The following TTLL11 variants were observed in gnomAD, a reference collection of about 807,000 sequenced individuals.
TTLL11 encodes the protein tubulin polyglutamylase TTLL11.
Under a neutral mutation model 51.7 loss-of-function variants are expected in TTLL11, and 42 were observed. The observed-to-expected ratio is 0.81, with a 90% CI of 0.64 to 1.05. TTLL11 has a LOEUF of 1.05. Among genes scored for constraint, TTLL11 ranks in the 50% least tolerant of loss-of-function variants. TTLL11 has a pLI of 0.00. For synonymous variants in TTLL11, 381 were observed against 383.5 expected (o/e 0.99, Z 0.08); for missense variants, 799 against 940.4 (o/e 0.85, Z 1.97).
At chr9:122,033,842 T>C (rs1365426933) in intron 2 of TTLL11, among the ~76,000 whole-genome samples, 2 of 152,222 alleles carry the variant, frequency 1.3e-5, no homozygotes, top group East Asian at 1.9e-4. Context: ...TGCTCTAACA[T>C]GGACTGTTCA....
chr9:121,915,445 C>A (rs1840288366), intron 6 of TTLL11, among the ~76,000 whole-genome samples: 1 of 152,216 alleles, frequency 6.6e-6, no homozygotes, highest in African/African-American at 2.4e-5. Context: ...CCGCTTTCTT[C>A]TGACTTCCCG....
chr9:121,938,441 A>G (rs746017327), intron 6 of TTLL11, among the ~76,000 whole-genome samples: 20 of 152,212 alleles, frequency 1.3e-4, no homozygotes, highest in Non-Finnish European at 2.6e-4. Context: ...AAATAAGACC[A>G]TATAAAATTC....
rs570089124 is a variant in TTLL11, at chr9:122,030,205, G to C, written c.693+1518C>G. Among the ~76,000 whole-genome samples the C allele has an allele frequency of 4.0e-4, 50 of 126,294 alleles. 1 individual carries two copies. Among genetic ancestry groups the C allele is most frequent in the African/African-American group, 1.2e-3 (36 of 28,812 alleles). 82.9% of individuals were successfully genotyped at this position (126,294 alleles called of 152,430 possible). On this transcript the variant is annotated intron_variant, in intron 3 of 8. Transcript: ENST00000321582. ...CAGAGCCACAGAAGAGAGACATTGG[G>C]GGGGGGGGGGTAATTATGAGGAACA...
intron 6 of TTLL11, among the ~76,000 whole-genome samples, chr9:121,932,196 T>A (rs1284129691): frequency 6.8e-6 from 1 of 147,444 alleles, no homozygotes; most frequent in Admixed American, 6.8e-5. Context: ...CTCTGCCACA[T>A]CCCAGGATGC....
chr9:121,826,184 CTATATATATATATATATATA>C (rs1166211047), intron 8 of TTLL11, among the ~76,000 whole-genome samples: 3 of 51,134 alleles, frequency 5.9e-5, no homozygotes, highest in African/African-American at 1.7e-4. Flanking sequence ...AACCAGTAAC[CTATATATATATATATATATA>C]TATATATATA....
At chr9:121,839,850 C>T (rs1837297598) in intron 8 of TTLL11, among the ~76,000 whole-genome samples, 1 of 152,138 alleles carries the variant, frequency 6.6e-6, no homozygotes, top group Admixed American at 6.5e-5. Context: ...TGGACTGAGC[C>T]CTATCCTCAA....
chr9:122,037,188 C>T (rs908396331), intron 2 of TTLL11, among the ~76,000 whole-genome samples: 2 of 152,146 alleles, frequency 1.3e-5, no homozygotes, highest in Non-Finnish European at 2.9e-5. Flanking sequence ...GTCTTAGGAA[C>T]TCTGTCCTCA....
At chr9:122,071,336 T>C (rs778477534) in intron 1 of TTLL11, among the ~76,000 whole-genome samples, 1 of 152,124 alleles carries the variant, frequency 6.6e-6, no homozygotes. Context: ...ACCCAGGCAA[T>C]GAGAATGCGA....
At chr9:121,844,045 T>C (rs542983483) in intron 8 of TTLL11, among the ~76,000 whole-genome samples, 1 of 152,278 alleles carries the variant, frequency 6.6e-6, no homozygotes, top group Non-Finnish European at 1.5e-5. Context: ...TTTTCTAGCC[T>C]TTCTAGTTTT....
chr9:121,905,230 T>G (rs972861033), intron 6 of TTLL11, among the ~76,000 whole-genome samples: 1 of 152,222 alleles, frequency 6.6e-6, no homozygotes, highest in Non-Finnish European at 1.5e-5. Context: ...AATCTCACTA[T>G]CCAGAAATTA....
chr9:121,822,665 G>A lies in TTLL11; in HGVS notation c.2055C>T (p.Ala685=), dbSNP rs1836617345. Residue 685 remains alanine (A), a synonymous_variant, in exon 9 of 9, where the codon GCC becomes GCT. Coordinates refer to ENST00000321582, the MANE Select transcript of TTLL11 (RefSeq NM_001139442.2). The surrounding 1 kb of genome is among the most constrained non-coding windows in gnomAD (Gnocchi z 5.8). ...GTGGGGGGTTGTCCCCTGCTGGCTGGGCCGAGGGGGAGGGCTCCTGGGGAG... is the reference window on the plus strand; with the variant it reads ...GTGGGGGGTTGTCCCCTGCTGGCTGAGCCGAGGGGGAGGGCTCCTGGGGAG... The part of the protein sequence containing the change: ...RGPPQEPSPS[A]QPAGDNPPPR... 6.5e-7 allele frequency: 1 copy of A among 1,539,704 alleles called. No individual in the cohort carries two copies. Among genetic ancestry groups the A allele is most frequent in the African/African-American group, 1.4e-5 (1 of 72,746 alleles).
Position 121,907,023 on chromosome 9 carries a change from C to T in TTLL11, c.1482-36275G>A, listed in dbSNP as rs186705665. 1.6e-4 allele frequency among the ~76,000 whole-genome samples: 24 copies of T among 152,202 alleles called. No homozygotes were observed. The South Asian group carries it at 1.7e-3, about 11-fold the overall frequency. ...ATTTACTTTACTCAATAAATAAGAA[C>T]GGTTCTAGAAGCTCAGGGCCCTTGT... On this transcript the variant is annotated intron_variant, in intron 6 of 8. Transcript: ENST00000321582.
At chr9:121,826,865 C>T (rs1337974116) in intron 8 of TTLL11, among the ~76,000 whole-genome samples, 1 of 151,726 alleles carries the variant, frequency 6.6e-6, no homozygotes, top group Admixed American at 6.6e-5. Context: ...TGGGGGTGGT[C>T]GACTGGGCTG....
At chr9:122,061,050 T>C (rs1021352812) in intron 1 of TTLL11, among the ~76,000 whole-genome samples, 1 of 152,208 alleles carries the variant, frequency 6.6e-6, no homozygotes. Flanking sequence ...ATCCATTCCA[T>C]GCCTCTTCCT....
chr9:122,021,003 T>C (rs1227417702), intron 3 of TTLL11, among the ~76,000 whole-genome samples: 2 of 152,256 alleles, frequency 1.3e-5, no homozygotes, highest in Non-Finnish European at 2.9e-5. Flanking sequence ...ATTGTTATTG[T>C]TATGTAGTCA....
intron 6 of TTLL11, among the ~76,000 whole-genome samples, chr9:121,927,619 GA>G (rs1245767563): frequency 8.2e-6 from 1 of 121,724 alleles, no homozygotes; most frequent in African/African-American, 3.2e-5. Context: ...CAAGAGCACA[GA>G]AGGTGGCATT....
rs1282895378 is a variant in TTLL11, at chr9:121,819,820, G to A, written c.*2767C>T. Among the ~76,000 whole-genome samples the A allele has an allele frequency of 6.6e-6, 1 of 152,234 alleles. No homozygotes were observed. The highest frequency in any genetic ancestry group is 1.5e-5 in the Non-Finnish European group (1 of 68,042). On this transcript the variant is annotated 3_prime_UTR_variant, in exon 9 of 9. Coordinates refer to ENST00000321582, the MANE Select transcript of TTLL11 (RefSeq NM_001139442.2). ...GTTTCAATTACATCCAATAAAACGA[G>A]TGGCCGATTACCAAAGGGGTAAACA...
chr9:121,830,479 C>T (rs1420492568), intron 8 of TTLL11, among the ~76,000 whole-genome samples: 1 of 152,174 alleles, frequency 6.6e-6, no homozygotes, highest in Non-Finnish European at 1.5e-5. Flanking sequence ...CAAAGCGGGG[C>T]TTATTTGCAA....
At chr9:121,992,209 C>A (rs1262618931) in intron 3 of TTLL11, among the ~76,000 whole-genome samples, 1 of 152,162 alleles carries the variant, frequency 6.6e-6, no homozygotes, top group African/African-American at 2.4e-5. Context: ...TTACAGGAAA[C>A]CCTCACAATT....
Sources: allele counts gnomAD v4.1 joint callset (sites outside exome capture counted in the v4.1 genomes callset), GRCh38; gene constraint gnomAD v4.1.1; non-coding constraint Gnocchi (gnomAD v3.1); transcripts MANE v1.5; gene names NCBI Gene and HGNC (gene_info 2026-07-23, HGNC 2026-07-21).